Variants in LPA observed in about 807,000 individuals in gnomAD.
LPA encodes apolipoprotein(a).
In LPA, 199 loss-of-function variants were observed where a neutral mutation model predicts 197.9. The observed-to-expected ratio is 1.01, with a 90% CI of 0.90 to 1.13. The LOEUF (loss-of-function observed/expected upper bound fraction) is 1.13, where lower values mean the gene tolerates loss of function less well. Ranked by LOEUF, LPA falls within the 50% of genes most tolerant of loss-of-function variation. The pLI, the probability that LPA is intolerant of heterozygous loss-of-function variation, is 0.00. For missense variants in LPA, 1,853 were observed against 1,785.8 expected, an observed-to-expected ratio of 1.04 and a Z score of -0.68; for synonymous variants, 715 against 639.5, an observed-to-expected ratio of 1.12 and a Z score of -1.78.
chr6:160,608,514 A>C (rs1303747172), intron 16 of LPA, among the ~76,000 whole-genome samples: 2 of 152,126 alleles, frequency 1.3e-5, no homozygotes, highest in African/African-American at 4.8e-5. Context: ...TCTCATAAGA[A>C]GTTTCTTGTT....
chr6:160,562,380 GAA>G (rs1778377436), intron 28 of LPA, among the ~76,000 whole-genome samples: 1 of 152,186 alleles, frequency 6.6e-6, no homozygotes. Flanking sequence ...TTATTGATTT[GAA>G]TATGTTGAAC....
chr6:160,576,390 GTA>G (rs140486548), intron 28 of LPA, among the ~76,000 whole-genome samples: 6,095 of 45,218 alleles, frequency 0.13, 257 homozygotes, highest in African/African-American at 0.18. Context: ...ATATATATAT[GTA>G]TATATATATA....
chr6:160,610,088 A>G (rs1165482151), intron 16 of LPA, among the ~76,000 whole-genome samples: 1 of 152,090 alleles, frequency 6.6e-6, no homozygotes, highest in East Asian at 1.9e-4. Flanking sequence ...TTTTCATGCA[A>G]TTCTAATTAT....
rs757992874 is a variant in LPA, at chr6:160,611,661, C to T, written c.2504G>A (p.Arg835Gln). 1.2e-5 allele frequency: 19 copies of T among 1,563,106 alleles called. No individual in the cohort carries two copies. Among genetic ancestry groups the T allele is most frequent in the Middle Eastern group, 2.0e-4 (1 of 5,020 alleles). ...ECYHGNGQSY[R>Q]GTYSTTVTGR... ...AGTGACAGTGGTGGAGTATGTGCCT[C>T]GATAACTCTGTCCATTACCGTGGTA... The change falls in exon 16 of 39, where the codon CGA becomes CAA. Residue 835 changes from arginine (R) to glutamine (Q), a missense_variant. This residue lies in a region of LPA where 1,737 missense variants were observed against 1,504.4 expected (regional missense o/e 1.15). Transcript: ENST00000316300.
chr6:160,576,397 TATATATATATATATATATGG>T (rs1778675867), intron 28 of LPA, among the ~76,000 whole-genome samples: 1 of 49,436 alleles, frequency 2.0e-5, no homozygotes, highest in Non-Finnish European at 3.4e-5. Flanking sequence ...TATGTATATA[TATATATATATATATATATGG>T]GTATATATAT....
At chr6:160,662,974 A>G (rs1347474308) in intron 1 of LPA, among the ~76,000 whole-genome samples, 5 of 152,150 alleles carry the variant, frequency 3.3e-5, no homozygotes, top group African/African-American at 1.2e-4. Context: ...GATTTGCCTC[A>G]AGGGACAACA....
chr6:160,602,420 T>A (rs768881111), intron 18 of LPA, among the ~76,000 whole-genome samples: 5 of 152,190 alleles, frequency 3.3e-5, no homozygotes, highest in Non-Finnish European at 7.3e-5. Context: ...ATTCCCCACA[T>A]GATTTAGTCT....
chr6:160,567,075 G>A (rs183474483), intron 28 of LPA, among the ~76,000 whole-genome samples: 1 of 151,998 alleles, frequency 6.6e-6, no homozygotes, highest in African/African-American at 2.4e-5. Flanking sequence ...GTCAACATTA[G>A]ACAGATCAAT....
intron 1 of LPA, among the ~76,000 whole-genome samples, chr6:160,654,089 ATT>A (rs1491411171): frequency 1.2e-4 from 3 of 25,426 alleles, no homozygotes; most frequent in African/African-American, 5.2e-4. Context: ...TATTATATAT[ATT>A]ATATATAATA....
At chr6:160,568,101 A>G (rs1037543496) in intron 28 of LPA, among the ~76,000 whole-genome samples, 1 of 152,214 alleles carries the variant, frequency 6.6e-6, no homozygotes, top group East Asian at 1.9e-4. Flanking sequence ...AACTATTCCA[A>G]TCATAGAAAA....
intron 28 of LPA, among the ~76,000 whole-genome samples, chr6:160,564,845 T>A (rs1319783419): frequency 6.6e-6 from 1 of 152,158 alleles, no homozygotes; most frequent in African/African-American, 2.4e-5. Flanking sequence ...ACCAGGAGAT[T>A]ATATCCTGCA....
At chr6:160,601,126 CA>C (rs1208787286) in intron 18 of LPA, 28 bp from the exon 19 acceptor site, 1 of 1,608,732 alleles carries the variant, frequency 6.2e-7, no homozygotes, top group Admixed American at 1.7e-5. Context: ...ATACACATCA[CA>C]AAAAATGGGT....
At chr6:160,596,211 T>C (rs748059720) in intron 20 of LPA, among the ~76,000 whole-genome samples, 3 of 152,212 alleles carry the variant, frequency 2.0e-5, no homozygotes, top group African/African-American at 7.2e-5. Context: ...CAGATGGTGA[T>C]GGTTGTGCAC....
Position 160,531,531 on chromosome 6 carries a change from T to C in LPA, c.*198A>G. On this transcript the variant is annotated 3_prime_UTR_variant, in exon 39 of 39. Transcript: ENST00000316300. ...TTATTTTTAACAAATGTCATAGCTA[T>C]GACACCTTAATACAGAATTTGTCAG... 1 of 646,804 alleles carries C rather than the reference T, an allele frequency of 1.5e-6. No homozygotes were observed. The highest frequency in any genetic ancestry group is 2.7e-6 in the Non-Finnish European group (1 of 366,882). The allele number at this position is 646,804 out of a possible 1,614,324, so 40.1% of individuals were successfully genotyped here.
At chr6:160,546,947 C>A (rs1007929753) in intron 32 of LPA, among the ~76,000 whole-genome samples, 1 of 152,084 alleles carries the variant, frequency 6.6e-6, no homozygotes, top group South Asian at 2.1e-4. Flanking sequence ...CTAGAAAAAT[C>A]TGACTTAAGC....
chr6:160,595,132 G>T (rs1194812485), intron 21 of LPA, among the ~76,000 whole-genome samples: 1 of 152,102 alleles, frequency 6.6e-6, no homozygotes, highest in Admixed American at 6.6e-5. Context: ...GCCCTAGAGG[G>T]TCTGCACCCT....
At chr6:160,564,648 T>C (rs965582289) in intron 28 of LPA, among the ~76,000 whole-genome samples, 1 of 152,140 alleles carries the variant, frequency 6.6e-6, no homozygotes, top group Admixed American at 6.5e-5. Context: ...CACCGGGGCT[T>C]GTCAGACAGT....
At chr6:160,536,383 T>A (rs1777895633) in intron 37 of LPA, among the ~76,000 whole-genome samples, 1 of 152,212 alleles carries the variant, frequency 6.6e-6, no homozygotes, top group Non-Finnish European at 1.5e-5. Flanking sequence ...ATTCTATTCT[T>A]TATTAGTAGT....
chr6:160,551,527 GT>G (rs1180066516), intron 30 of LPA, among the ~76,000 whole-genome samples: 1 of 152,148 alleles, frequency 6.6e-6, no homozygotes, highest in Non-Finnish European at 1.5e-5. Flanking sequence ...GTAAGCATGA[GT>G]TTTCATGAAA....
Sources: allele counts gnomAD v4.1 joint callset (sites outside exome capture counted in the v4.1 genomes callset), GRCh38; gene constraint gnomAD v4.1.1; regional missense constraint gnomAD v4.1.1; transcripts MANE v1.5; gene names NCBI Gene and HGNC (gene_info 2026-07-23, HGNC 2026-07-21).